DAPK2: variants seen among roughly 807,000 people sequenced by gnomAD.
DAPK2 encodes death associated protein kinase 2, also known as death-associated protein kinase 2.
DAPK2 carries 35 observed loss-of-function variants against 44.1 expected under a neutral mutation model. The observed-to-expected ratio is 0.79, with a 90% CI of 0.61 to 1.05. The LOEUF is 1.05. Among genes scored for constraint, DAPK2 ranks in the 50% least tolerant of loss-of-function variants. The pLI, the probability that DAPK2 is intolerant of heterozygous loss-of-function variation, is 0.00. For missense variants in DAPK2, 453 were observed against 483.2 expected (o/e 0.94, Z 0.59); for synonymous variants, 174 against 182.6 (o/e 0.95, Z 0.38).
At chr15:63,984,337 T>A (rs950331755) in intron 1 of DAPK2, among the ~76,000 whole-genome samples, 1 of 152,218 alleles carries the variant, frequency 6.6e-6, no homozygotes, top group Non-Finnish European at 1.5e-5. Flanking sequence ...CCCAACCGGC[T>A]GTCCACAAAG....
intron 1 of DAPK2, among the ~76,000 whole-genome samples, chr15:64,035,987 A>G (rs894570345): frequency 1.3e-5 from 2 of 152,086 alleles, no homozygotes; most frequent in African/African-American, 2.4e-5. Flanking sequence ...AAACATGTGG[A>G]CCAGGCCAGG....
chr15:63,958,335 T>G (rs1416851044), intron 3 of DAPK2, among the ~76,000 whole-genome samples: 2 of 152,234 alleles, frequency 1.3e-5, no homozygotes, highest in Non-Finnish European at 2.9e-5. Flanking sequence ...TTTCTTTTGC[T>G]GTGCAGAAGC....
intron 3 of DAPK2, among the ~76,000 whole-genome samples, chr15:63,941,246 C>T (rs1477543025): frequency 1.3e-5 from 2 of 152,174 alleles, no homozygotes; most frequent in African/African-American, 2.4e-5. Context: ...GCAGACTTTC[C>T]TCAGCAACCC....
intron 1 of DAPK2, among the ~76,000 whole-genome samples, chr15:64,019,421 C>T (rs1023108861): frequency 2.6e-5 from 4 of 152,172 alleles, no homozygotes; most frequent in Non-Finnish European, 5.9e-5. Context: ...TTGATAACTA[C>T]GGTACTACCC....
In DAPK2 at chr15:64,006,456, G is replaced by A. The variant is rs143385432; in HGVS notation, c.93-22702C>T. On this transcript the variant is annotated intron_variant, in intron 1 of 10. Coordinates refer to ENST00000261891, the Ensembl canonical transcript of DAPK2. The stretch of plus-strand genomic sequence containing the variant: ...TCAGCCCTTGGCAACCACCAGCTAA[G>A]GACGTACAACATCGTCACCTATATT... Among the ~76,000 whole-genome samples the A allele has an allele frequency of 5.7e-3, 869 of 152,160 alleles. 6 individuals carry two copies. The highest frequency in any genetic ancestry group is 8.9e-3 in the Non-Finnish European group (604 of 68,012).
intron 1 of DAPK2, among the ~76,000 whole-genome samples, chr15:64,009,763 GC>G (rs1197178018): frequency 6.6e-6 from 1 of 151,614 alleles, no homozygotes; most frequent in African/African-American, 2.4e-5. Context: ...CTTTCCCCCC[GC>G]CCCTAAATTA....
chr15:63,924,086 T>A (rs1026243846), intron 8 of DAPK2, among the ~76,000 whole-genome samples: 2 of 152,204 alleles, frequency 1.3e-5, no homozygotes, highest in Admixed American at 6.5e-5. Flanking sequence ...GTGACGTCCC[T>A]GGGTGTGCAT....
intron 1 of DAPK2, among the ~76,000 whole-genome samples, chr15:64,004,652 T>C (rs1246347187): frequency 6.6e-6 from 1 of 152,170 alleles, no homozygotes; most frequent in Non-Finnish European, 1.5e-5. Context: ...GCTGGTTTGG[T>C]GGGGTCTTTC....
chr15:63,976,010 A>G (rs1180547589), intron 2 of DAPK2, among the ~76,000 whole-genome samples: 1 of 152,192 alleles, frequency 6.6e-6, no homozygotes, highest in Non-Finnish European at 1.5e-5. Context: ...TTCTTTAAAC[A>G]TTTCCAGAAG....
chr15:64,046,463 C>T (rs1219110480), upstream of DAPK2: 1 of 191,830 alleles, frequency 5.2e-6, no homozygotes, highest in South Asian at 1.9e-4. This position sits in a 1 kb window ranked among gnomAD's most constrained non-coding sequence, Gnocchi z 5.3. Context: ...GGCACCCGCC[C>T]GCCGAGCAGC....
chr15:63,956,684 T>C (rs1311309104), intron 3 of DAPK2, among the ~76,000 whole-genome samples: 2 of 152,120 alleles, frequency 1.3e-5, no homozygotes, highest in African/African-American at 4.8e-5. Flanking sequence ...CCTCCTGGGT[T>C]CACACCATTC....
intron 1 of DAPK2, among the ~76,000 whole-genome samples, chr15:64,002,970 GGACC>G (rs2079131452): frequency 1.3e-5 from 1 of 76,674 alleles, no homozygotes; most frequent in South Asian, 7.9e-4. Flanking sequence ...GTGTGTCGTG[GGACC>G]TGTGTGTGTG....
intron 2 of DAPK2, among the ~76,000 whole-genome samples, chr15:63,976,268 G>C (rs2078344187): frequency 2.6e-5 from 4 of 152,080 alleles, no homozygotes; most frequent in African/African-American, 9.7e-5. Context: ...CTTGCAATGT[G>C]GCTAGTGTAA....
chr15:63,911,716 C>T, intron 10 of DAPK2, 192 bp downstream of exon 11: 1 of 627,378 alleles, frequency 1.6e-6, no homozygotes, highest in Admixed American at 2.7e-5. Flanking sequence ...CCCGGCACCA[C>T]CCAGAGGTCC....
At chr15:63,922,626 T>G in intron 8 of DAPK2, 1 of 1,434,528 alleles carries the variant, frequency 7.0e-7, no homozygotes, top group Non-Finnish European at 9.1e-7. Flanking sequence ...AAGGCTATAC[T>G]ACAGACACAC....
At chr15:64,036,319 GTATATATATATATATATACATA>G (rs2080196363) in intron 1 of DAPK2, among the ~76,000 whole-genome samples, 2 of 56,662 alleles carry the variant, frequency 3.5e-5, no homozygotes, top group African/African-American at 4.6e-5. Flanking sequence ...GTATATATAT[GTATATATATATATATATACATA>G]TATATATATA....
chr15:63,948,994 T>C (rs2077521080), intron 3 of DAPK2, among the ~76,000 whole-genome samples: 1 of 152,112 alleles, frequency 6.6e-6, no homozygotes, highest in South Asian at 2.1e-4. Context: ...TGCTCTCCAC[T>C]CTCCCACATG....
intron 3 of DAPK2, among the ~76,000 whole-genome samples, chr15:63,941,105 A>G (rs1182245431): frequency 6.6e-6 from 1 of 152,246 alleles, no homozygotes; most frequent in African/African-American, 2.4e-5. Flanking sequence ...TGTTTCTTAA[A>G]GCACTGAAGG....
At chr15:64,015,484 C>T (rs2079500092) in intron 1 of DAPK2, among the ~76,000 whole-genome samples, 1 of 152,130 alleles carries the variant, frequency 6.6e-6, no homozygotes, top group Non-Finnish European at 1.5e-5. Flanking sequence ...CATGCAACTC[C>T]AAGAAGAAAC....
Sources: allele counts gnomAD v4.1 joint callset (sites outside exome capture counted in the v4.1 genomes callset), GRCh38; gene constraint gnomAD v4.1.1; non-coding constraint Gnocchi (gnomAD v3.1); transcripts MANE v1.5; gene names NCBI Gene and HGNC (gene_info 2026-07-23, HGNC 2026-07-21).